The following ADAMTS18 variants were observed in gnomAD, a reference collection of about 807,000 sequenced individuals.
ADAMTS18 encodes the protein A disintegrin and metalloproteinase with thrombospondin motifs 18.
A neutral mutation model predicts 165.9 loss-of-function variants in ADAMTS18; 157 were observed. The ratio of observed to expected loss-of-function variants is 0.95; its 90% CI spans 0.83 to 1.08. ADAMTS18 has a LOEUF of 1.08. ADAMTS18 is among the 50% of genes least tolerant of loss of function. ADAMTS18 has a pLI of 0.00. For synonymous variants in ADAMTS18, 782 were observed against 578.2 expected (o/e 1.35, Z -5.06); for missense variants, 2,040 against 1,534.0 (o/e 1.33, Z -5.51).
At chr16:77,380,542 C>A (rs1245296649) in intron 3 of ADAMTS18, among the ~76,000 whole-genome samples, 1 of 152,178 alleles carries the variant, frequency 6.6e-6, no homozygotes, top group Non-Finnish European at 1.5e-5. Context: ...TCTTTTTAAG[C>A]TCTATGTACT....
At chr16:77,339,971 G>T (rs1422313611) in intron 11 of ADAMTS18, among the ~76,000 whole-genome samples, 1 of 152,096 alleles carries the variant, frequency 6.6e-6, no homozygotes, top group African/African-American at 2.4e-5. Context: ...TCATCTAACT[G>T]AAGAACTTTA....
chr16:77,369,145 T>C (rs1237974273), intron 3 of ADAMTS18, among the ~76,000 whole-genome samples: 2 of 152,258 alleles, frequency 1.3e-5, no homozygotes, highest in Non-Finnish European at 2.9e-5. Flanking sequence ...GTCTATGCTT[T>C]ATTGATATCC....
At position 77,353,872 on chromosome 16, in the gene ADAMTS18, C is replaced by G. The variant is rs777821524; in HGVS notation, c.1475G>C (p.Gly492Ala). Residue 492 changes from glycine to alanine, a missense_variant, in exon 10 of 23, where the codon GGG becomes GCG. Physicochemically the swap from Gly to Ala is moderately conservative, Grantham distance 60. Coordinates refer to ENST00000282849, the MANE Select transcript of ADAMTS18 (RefSeq NM_199355.4). ...LKKFLSTPQAGCLVDEPKQAG... is the reference protein window; with the variant it reads ...LKKFLSTPQAACLVDEPKQAG... ...TTGCTTGGGCTCATCCACTAGACACCCCGCCTGAGGTGTGCTGTAATGACA... is the reference window on the plus strand; with the variant it reads ...TTGCTTGGGCTCATCCACTAGACACGCCGCCTGAGGTGTGCTGTAATGACA... 7.4e-6 allele frequency: 12 copies of G among 1,614,016 alleles called. No individual in the cohort carries two copies. The highest frequency in any genetic ancestry group is 8.5e-6 in the Non-Finnish European group (10 of 1,180,018).
At chr16:77,381,035 G>A (rs1050040343) in intron 3 of ADAMTS18, among the ~76,000 whole-genome samples, 4 of 151,972 alleles carry the variant, frequency 2.6e-5, no homozygotes, top group South Asian at 2.1e-4. Context: ...CATCATGCCT[G>A]GTGAATTTTT....
At chr16:77,362,855 G>C (rs1394819936) in intron 6 of ADAMTS18, among the ~76,000 whole-genome samples, 1 of 152,192 alleles carries the variant, frequency 6.6e-6, no homozygotes, top group Non-Finnish European at 1.5e-5. Context: ...TTAATTATCA[G>C]TTAATTAGGA....
At chr16:77,356,512 T>C (rs1215254320) in intron 8 of ADAMTS18, among the ~76,000 whole-genome samples, 1 of 152,200 alleles carries the variant, frequency 6.6e-6, no homozygotes, top group Non-Finnish European at 1.5e-5. Context: ...TTATAAGTTG[T>C]TTATGAACTG....
rs1243262337 is a variant in ADAMTS18, at chr16:77,333,847, A to G, written c.1859+1909T>C. On this transcript the variant is annotated intron_variant, in intron 12 of 22. Coordinates refer to ENST00000282849, the MANE Select transcript of ADAMTS18 (RefSeq NM_199355.4). The stretch of plus-strand genomic sequence containing the variant: ...TAATAGTATATATTAATAGTATAAT[A>G]TAGTATACTATTATACTATATTATA... Among the ~76,000 whole-genome samples the G allele has an allele frequency of 2.1e-5, 3 of 141,948 alleles. No individual in the cohort carries two copies. The East Asian group carries it at 5.9e-4, about 28-fold the overall frequency. The allele number at this position is 141,948 out of a possible 152,430, so 93.1% of individuals were successfully genotyped here.
intron 2 of ADAMTS18, among the ~76,000 whole-genome samples, 162 bp downstream of exon 2, chr16:77,434,256 G>C (rs1346341814): frequency 6.6e-6 from 1 of 151,878 alleles, no homozygotes; most frequent in African/African-American, 2.4e-5. Flanking sequence ...GATAAGTTCA[G>C]TCCTTGCCAA....
At chr16:77,326,901 T>C (rs1056816588) in intron 12 of ADAMTS18, among the ~76,000 whole-genome samples, 2 of 152,202 alleles carry the variant, frequency 1.3e-5, no homozygotes, top group African/African-American at 2.4e-5. Context: ...TTTGGGTCCA[T>C]ATGTACTCAA....
chr16:77,294,841 G>C, intron 19 of ADAMTS18, 82 bp downstream of exon 19: 4 of 1,328,682 alleles, frequency 3.0e-6, no homozygotes, highest in Non-Finnish European at 4.3e-6. Flanking sequence ...AAACTGCCAA[G>C]AGCCCAGTGG....
intron 3 of ADAMTS18, among the ~76,000 whole-genome samples, chr16:77,371,795 T>C (rs2056880087): frequency 1.3e-5 from 2 of 152,046 alleles, no homozygotes; most frequent in Non-Finnish European, 2.9e-5. Flanking sequence ...CTAAAAAGCC[T>C]CTGTACAAGA....
intron 12 of ADAMTS18, among the ~76,000 whole-genome samples, chr16:77,334,769 A>AATG (rs369610703): frequency 2.4e-5 from 1 of 42,420 alleles, no homozygotes; most frequent in Non-Finnish European, 3.9e-5. Context: ...TATACAGTAT[A>AATG]TATACTATAG....
intron 3 of ADAMTS18, among the ~76,000 whole-genome samples, chr16:77,428,988 G>T (rs566199103): frequency 6.6e-6 from 1 of 152,148 alleles, no homozygotes; most frequent in Non-Finnish European, 1.5e-5. Context: ...CCAAACTGCT[G>T]GTGGGGGTGT....
Position 77,415,863 on chromosome 16 carries a change from T to C in ADAMTS18, c.495+15432A>G, listed in dbSNP as rs564264450. Among the ~76,000 whole-genome samples, 10 of 152,218 alleles carry C rather than the reference T, an allele frequency of 6.6e-5. No homozygotes were observed. The South Asian group carries it at 2.1e-3, about 32-fold the overall frequency. The stretch of plus-strand genomic sequence containing the variant: ...TGAAGCACTTCAAACATAGAAATAA[T>C]TTATCTATTTCTAAATTGCCAGGAT... On this transcript the variant is annotated intron_variant, in intron 3 of 22. Coordinates refer to ENST00000282849, the MANE Select transcript of ADAMTS18 (RefSeq NM_199355.4).
chr16:77,339,598 TA>T (rs10634951), intron 11 of ADAMTS18, among the ~76,000 whole-genome samples: 29 of 146,902 alleles, frequency 2.0e-4, no homozygotes, highest in African/African-American at 2.2e-4. Context: ...CTTTTTCAAT[TA>T]AAAAAAAAAA....
chr16:77,310,232 T>C (rs1021296028), intron 16 of ADAMTS18, among the ~76,000 whole-genome samples: 1 of 152,238 alleles, frequency 6.6e-6, no homozygotes, highest in African/African-American at 2.4e-5. Flanking sequence ...TTGGATGTTG[T>C]TCACTCCATA....
chr16:77,421,023 C>G (rs1167770370), intron 3 of ADAMTS18, among the ~76,000 whole-genome samples: 1 of 152,112 alleles, frequency 6.6e-6, no homozygotes, highest in Admixed American at 6.5e-5. Flanking sequence ...TTTCAAGTGC[C>G]GTCTCTCAAA....
At chr16:77,327,414 G>C (rs1035159440) in intron 12 of ADAMTS18, among the ~76,000 whole-genome samples, 4 of 152,074 alleles carry the variant, frequency 2.6e-5, no homozygotes, top group African/African-American at 7.2e-5. Flanking sequence ...TCCCACATAT[G>C]AATGAGAACA....
At position 77,400,326 on chromosome 16, in the gene ADAMTS18, C is replaced by G. The variant is rs186163010; in HGVS notation, c.495+30969G>C. Among the ~76,000 whole-genome samples, 388 of 152,184 alleles carry G rather than the reference C, an allele frequency of 2.5e-3. 1 individual carries two copies. The highest frequency in any genetic ancestry group is 8.9e-3 in the African/African-American group (368 of 41,498). ...TCTTCTATCCCAGAGTCTACTTAGC[C>G]TCCAGCCATCCTTTGGGGATGGAGT... On this transcript the variant is annotated intron_variant, in intron 3 of 22. Coordinates refer to ENST00000282849, the MANE Select transcript of ADAMTS18 (RefSeq NM_199355.4).
Sources: gnomAD v4.1 joint callset for allele counts (sites outside exome capture counted in the v4.1 genomes callset) on GRCh38, gnomAD v4.1.1 for gene constraint, MANE v1.5 for transcripts, NCBI Gene and HGNC (gene_info 2026-07-23, HGNC 2026-07-21) for gene names.